The following LRCH1 variants were observed in gnomAD, a reference collection of about 807,000 sequenced individuals.
The protein encoded by LRCH1 is leucine rich repeats and calponin homology domain containing 1, also known as leucine-rich repeat and calponin homology domain-containing protein 1.
LRCH1 carries 23 observed loss-of-function variants against 94.9 expected under a neutral mutation model. The observed-to-expected ratio is 0.24, with a 90% CI of 0.17 to 0.34. The LOEUF (loss-of-function observed/expected upper bound fraction) is 0.34. Among genes scored for constraint, LRCH1 ranks in the 10% least tolerant of loss-of-function variants. The pLI is 1.00. For synonymous variants in LRCH1, 364 were observed against 354.9 expected (o/e 1.03, Z -0.29); for missense variants, 790 against 945.9 (o/e 0.84, Z 2.16).
At chr13:46,606,028 C>T (rs184108585) in intron 1 of LRCH1, among the ~76,000 whole-genome samples, 141 of 152,164 alleles carry the variant, frequency 9.3e-4, no homozygotes, top group Non-Finnish European at 1.3e-3. Flanking sequence ...GGGAGTAGGA[C>T]CTCTTTTGCC....
At chr13:46,713,656 C>T (rs1234843056) in intron 15 of LRCH1, among the ~76,000 whole-genome samples, 1 of 152,172 alleles carries the variant, frequency 6.6e-6, no homozygotes, top group Non-Finnish European at 1.5e-5. Context: ...TTATGGAGAG[C>T]CAAATTTTAC....
In LRCH1 at chr13:46,734,010, C is replaced by G; in HGVS notation, c.2085+12C>G. On this transcript the variant is annotated intron_variant, in intron 19 of 19. Transcript: ENST00000389797. ...TAGGAGTACCAGAGGTAACATCAAACTTACTTCATATAACTGTGTTCTAGT... is the reference window on the plus strand; with the variant it reads ...TAGGAGTACCAGAGGTAACATCAAAGTTACTTCATATAACTGTGTTCTAGT... The G allele has an allele frequency of 6.7e-7, 1 of 1,482,800 alleles. No homozygotes were observed. The highest frequency in any genetic ancestry group is 1.2e-5 in the South Asian group (1 of 84,014). 91.9% of individuals were successfully genotyped at this position (1,482,800 alleles called of 1,614,324 possible). A position where few individuals can be genotyped will look rare whatever the true frequency, so the allele number is the denominator to read the frequency against.
intron 16 of LRCH1, among the ~76,000 whole-genome samples, chr13:46,717,912 C>G (rs975627070): frequency 6.6e-6 from 1 of 152,136 alleles, no homozygotes; most frequent in Admixed American, 6.5e-5. Flanking sequence ...GGTAGAAGGT[C>G]CTTGGGAGTT....
At chr13:46,735,532 A>G (rs2138240603) in intron 19 of LRCH1, among the ~76,000 whole-genome samples, 1 of 152,344 alleles carries the variant, frequency 6.6e-6, no homozygotes, top group East Asian at 1.9e-4. Context: ...ATTGTGAGTA[A>G]AGATTGGTAA....
In LRCH1 at chr13:46,553,432, C is replaced by G; in HGVS notation, c.36C>G (p.Val12=). ...CGGGAAGCGAACCCCAACCTTTCGT[C>G]CCGGCCCTTTCGGTAGCTACTCTGC... ...ATPGSEPQPF[V]PALSVATLHP... The change falls in exon 1 of 20, where the codon GTC becomes GTG. Residue 12 remains valine, a synonymous_variant. Transcript: ENST00000389797. The G allele has an allele frequency of 6.5e-7, 1 of 1,548,674 alleles. No individual in the cohort carries two copies. Among genetic ancestry groups the G allele is most frequent in the Non-Finnish European group, 8.7e-7 (1 of 1,146,400 alleles).
chr13:46,626,249 T>C (rs115626893), intron 1 of LRCH1, among the ~76,000 whole-genome samples: 1,836 of 152,264 alleles, frequency 0.012, 32 homozygotes, highest in African/African-American at 0.042. Context: ...AGTCCCTTGG[T>C]TGTATTACAC....
intron 3 of LRCH1, among the ~76,000 whole-genome samples, chr13:46,677,535 A>G (rs1408106684): frequency 6.6e-6 from 1 of 152,218 alleles, no homozygotes; most frequent in African/African-American, 2.4e-5. Context: ...TCCGAATTTA[A>G]ATCCTTGTTA....
chr13:46,702,798 CTT>C (rs372532127), intron 11 of LRCH1, among the ~76,000 whole-genome samples: 38 of 152,180 alleles, frequency 2.5e-4, no homozygotes, highest in African/African-American at 9.2e-4. Flanking sequence ...TCCTAGTGTG[CTT>C]CAGTATCACT....
chr13:46,589,594 T>TA (rs66528073), intron 1 of LRCH1, among the ~76,000 whole-genome samples: 1 of 80,684 alleles, frequency 1.2e-5, no homozygotes, highest in Non-Finnish European at 2.5e-5. Flanking sequence ...GTTCTCTCAC[T>TA]TTTTTTTTTT....
At chr13:46,679,809 T>C (rs1317300193) in intron 3 of LRCH1, 1 of 152,306 alleles carries the variant, frequency 6.6e-6, no homozygotes, top group Admixed American at 6.5e-5. Flanking sequence ...TCATTCCTTT[T>C]TAGCAAGAGT....
intron 1 of LRCH1, among the ~76,000 whole-genome samples, chr13:46,626,595 A>G (rs1594296810): frequency 6.6e-6 from 1 of 152,210 alleles, no homozygotes; most frequent in East Asian, 1.9e-4. Flanking sequence ...ATAATCCACC[A>G]CCCTTTGCTG....
chr13:46,701,101 T>G lies in LRCH1; in HGVS notation c.1314-20T>G. 1.3e-6 allele frequency: 2 copies of G among 1,507,004 alleles called. No homozygotes were observed. The highest frequency in any genetic ancestry group is 1.7e-5 in the Admixed American group (1 of 58,118). 93.4% of individuals were successfully genotyped at this position (1,507,004 alleles called of 1,614,324 possible). ...GTTGTATTGATCGTTTTCATTCTTA[T>G]GCTTGGTTTCACGTTACAGAATAAG... On this transcript the variant is annotated intron_variant, in intron 10 of 19. Coordinates refer to ENST00000389797, the MANE Select transcript of LRCH1 (RefSeq NM_001164211.2).
At chr13:46,620,139 C>T (rs1376094703) in intron 1 of LRCH1, among the ~76,000 whole-genome samples, 4 of 152,166 alleles carry the variant, frequency 2.6e-5, no homozygotes, top group Admixed American at 1.3e-4. Flanking sequence ...AACTCCTTCC[C>T]AGGCCTATCC....
intron 1 of LRCH1, among the ~76,000 whole-genome samples, chr13:46,607,484 T>C (rs892805721): frequency 3.3e-5 from 5 of 152,178 alleles, no homozygotes; most frequent in Non-Finnish European, 7.4e-5. Context: ...TTTTTATAGA[T>C]AGAAACAAGG....
At chr13:46,607,890 C>A (rs564704951) in intron 1 of LRCH1, among the ~76,000 whole-genome samples, 11 of 152,220 alleles carry the variant, frequency 7.2e-5, no homozygotes, top group Admixed American at 7.2e-4. Context: ...ATCTGCAATG[C>A]TTAGTGGGGC....
intron 3 of LRCH1, among the ~76,000 whole-genome samples, chr13:46,676,823 G>A (rs897656330): frequency 3.3e-5 from 5 of 151,984 alleles, no homozygotes; most frequent in Non-Finnish European, 7.4e-5. Flanking sequence ...TGTCACTCAG[G>A]CTGGAATGCA....
intron 1 of LRCH1, among the ~76,000 whole-genome samples, chr13:46,611,331 G>A (rs549147020): frequency 6.6e-6 from 1 of 152,214 alleles, no homozygotes; most frequent in Admixed American, 6.5e-5. Flanking sequence ...TTCCTTCCTT[G>A]GGTTCTTCTG....
At chr13:46,678,538 A>G (rs1396118634) in intron 3 of LRCH1, among the ~76,000 whole-genome samples, 5 of 152,116 alleles carry the variant, frequency 3.3e-5, no homozygotes, top group Non-Finnish European at 7.3e-5. Flanking sequence ...AAATAATTTG[A>G]CCTTCACCAT....
chr13:46,639,116 G>C (rs946512561), intron 1 of LRCH1, among the ~76,000 whole-genome samples: 4 of 152,180 alleles, frequency 2.6e-5, no homozygotes, highest in African/African-American at 7.2e-5. Context: ...TTATGGTTAA[G>C]AGTTTCAATA....
Sources: allele counts gnomAD v4.1 joint callset (sites outside exome capture counted in the v4.1 genomes callset), GRCh38; gene constraint gnomAD v4.1.1; transcripts MANE v1.5; gene names NCBI Gene and HGNC (gene_info 2026-07-23, HGNC 2026-07-21).